The following MYOM3 variants were observed in gnomAD, a reference collection of about 807,000 sequenced individuals.
MYOM3 encodes myomesin 3.
MYOM3 carries 155 observed loss-of-function variants against 191.7 expected under a neutral mutation model. The ratio of observed to expected loss-of-function variants is 0.81; its 90% CI spans 0.71 to 0.92. MYOM3 has a LOEUF of 0.92. MYOM3 is among the 40% of genes least tolerant of loss of function. MYOM3 has a pLI of 0.00. For missense variants in MYOM3, 1,889 were observed against 1,890.6 expected, an observed-to-expected ratio of 1.00 and a Z score of 0.02; for synonymous variants, 757 against 762.9, an observed-to-expected ratio of 0.99 and a Z score of 0.13.
At chr1:24,057,651 A>G (rs894561482) in intron 36 of MYOM3, 24 bp from the exon 37 acceptor site, 4 of 1,609,030 alleles carry the variant, frequency 2.5e-6, no homozygotes, top group Non-Finnish European at 3.4e-6. Flanking sequence ...CAGGAAGGGA[A>G]CAGTCTCACC....
intron 29 of MYOM3, among the ~76,000 whole-genome samples, chr1:24,065,089 C>G (rs999826612): frequency 1.3e-5 from 2 of 152,194 alleles, no homozygotes; most frequent in Non-Finnish European, 2.9e-5. Context: ...AAAGTTTGCA[C>G]CAATGGGACT....
In MYOM3 at chr1:24,063,459, G is replaced by T; in HGVS notation, c.3661+33C>A. The T allele has an allele frequency of 1.2e-6, 2 of 1,613,916 alleles. No individual in the cohort carries two copies. The highest frequency in any genetic ancestry group is 1.7e-4 in the Middle Eastern group (1 of 6,028). On this transcript the variant is annotated intron_variant, in intron 31 of 36. Transcript: ENST00000374434. This position sits in a 1 kb window ranked among gnomAD's most constrained non-coding sequence, Gnocchi z 4.5. ...TTGGAGGCTGTTGGGCATCAGGGCAGGGCAGGGCTGGGCAAAGAGGCAGGC... is the reference window on the plus strand; with the variant it reads ...TTGGAGGCTGTTGGGCATCAGGGCATGGCAGGGCTGGGCAAAGAGGCAGGC...
Position 24,084,613 on chromosome 1 carries a change from G to A in MYOM3, c.1825C>T (p.Gln609Ter). ...PATLPPPAQV[Q>*]AFRDTQTSVS... ...GAGGTCTGTGTGTCTCTGAAAGCTT[G>A]AACTTGAGCTGGAGGAGGGAGGGTA... is the stretch of plus-strand genomic sequence containing the variant. Residue 609 changes from glutamine to a stop codon, truncating the protein, a stop_gained, in exon 16 of 37, where the codon CAA becomes TAA. Coordinates refer to ENST00000374434, the MANE Select transcript of MYOM3 (RefSeq NM_152372.4). LOFTEE classifies it high-confidence loss of function. 6.2e-7 allele frequency: 1 copy of A among 1,613,186 alleles called. No homozygotes were observed. Among genetic ancestry groups the A allele is most frequent in the Non-Finnish European group, 8.5e-7 (1 of 1,179,564 alleles).
At chr1:24,075,801 A>G (rs1643591715) in intron 21 of MYOM3, among the ~76,000 whole-genome samples, 2 of 152,050 alleles carry the variant, frequency 1.3e-5, no homozygotes, top group South Asian at 4.1e-4. Flanking sequence ...CCACCCCTAC[A>G]TTAGAGCAGG....
chr1:24,067,309 T>TTCCTTCCTTCC lies in MYOM3; in HGVS notation c.3356-222_3356-221insGGAAGGAAGGA, dbSNP rs1212290821. ...CTTTCTTTCTTTCTTTCTTTCCTTC[T>TTCCTTCCTTCC]TTCTTTCTTTCTTTCCTTCTTTCTT... On this transcript the variant is annotated intron_variant, in intron 27 of 36. Coordinates refer to ENST00000374434, the MANE Select transcript of MYOM3 (RefSeq NM_152372.4). Among the ~76,000 whole-genome samples, 27 of 91,072 alleles carry TTCCTTCCTTCC rather than the reference T, an allele frequency of 3.0e-4. 3 individuals carry two copies. Among genetic ancestry groups the TTCCTTCCTTCC allele is most frequent in the Non-Finnish European group, 5.0e-4 (22 of 44,044 alleles). 59.7% of individuals were successfully genotyped at this position (91,072 alleles called of 152,430 possible). A position where few individuals can be genotyped will look rare whatever the true frequency, so the allele number is the denominator to read the frequency against.
At chr1:24,069,014 G>A (rs1643490705) in intron 25 of MYOM3, among the ~76,000 whole-genome samples, 2 of 152,060 alleles carry the variant, frequency 1.3e-5, no homozygotes, top group African/African-American at 4.8e-5. Flanking sequence ...GTGAGCCATT[G>A]TGCCCAGCAG....
intron 29 of MYOM3, chr1:24,064,386 T>C: frequency 1.9e-6 from 1 of 516,724 alleles, no homozygotes. Context: ...TGTCTGGGCC[T>C]GGGGAAGGGG....
chr1:24,086,905 G>C (rs1643757048), intron 14 of MYOM3, 78 bp from the exon 15 acceptor site: 3 of 1,447,482 alleles, frequency 2.1e-6, no homozygotes, highest in South Asian at 1.3e-5. Context: ...CATGATCTCT[G>C]TCCCCAGCCC....
chr1:24,097,908 G>T lies in MYOM3; in HGVS notation c.745+15C>A. The T allele has an allele frequency of 1.3e-6, 2 of 1,587,080 alleles. No homozygotes were observed. The highest frequency in any genetic ancestry group is 1.7e-6 in the Non-Finnish European group (2 of 1,155,292). ...GCTGTGGCCCGGAGTGCCTGTTGGG[G>T]TTGGGAGGACTTACTGCGGACGAGG... On this transcript the variant is annotated intron_variant, in intron 7 of 36. Coordinates refer to ENST00000374434, the MANE Select transcript of MYOM3 (RefSeq NM_152372.4).
intron 11 of MYOM3, among the ~76,000 whole-genome samples, chr1:24,091,424 C>T (rs1378975550): frequency 2.0e-5 from 3 of 152,204 alleles, no homozygotes; most frequent in African/African-American, 7.2e-5. Flanking sequence ...TCCAGGTTGA[C>T]CCTCCAAGCC....
rs1557615365 is a variant in MYOM3, at chr1:24,097,943, A to C, written c.725T>G (p.Phe242Cys). 6.2e-7 allele frequency: 1 copy of C among 1,613,558 alleles called. No individual in the cohort carries two copies. ...CTTACTGCGGACGAGGACTTTGGCG[A>C]AGGAGGAGGCCTGGCCGTGGGCGTT... ...VKNAHGQASS[F>C]AKVLVRTYLG... The change falls in exon 7 of 37, where the codon TTC (phenylalanine) becomes TGC (cysteine). Residue 242 changes from phenylalanine to cysteine, a missense_variant. Physicochemically the swap from Phe to Cys is radical, Grantham distance 205. Coordinates refer to ENST00000374434, the MANE Select transcript of MYOM3 (RefSeq NM_152372.4).
rs370499977 is a variant in MYOM3 at position 24,089,311 on chromosome 1, C to T, written c.1614+227G>A. ...GTGTCTTGTATTTTGTGTATTTCCA[C>T]GAACAGCCTCAGGAACGACCAGCAG... On this transcript the variant is annotated intron_variant, in intron 14 of 36. Coordinates refer to ENST00000374434, the MANE Select transcript of MYOM3 (RefSeq NM_152372.4). Among the ~76,000 whole-genome samples the T allele has an allele frequency of 1.1e-4, 17 of 152,352 alleles. No individual in the cohort carries two copies. The South Asian group carries it at 3.1e-3, about 28-fold the overall frequency.
chr1:24,085,172 G>A (rs1351618701), intron 15 of MYOM3, among the ~76,000 whole-genome samples: 1 of 151,710 alleles, frequency 6.6e-6, no homozygotes, highest in Non-Finnish European at 1.5e-5. Flanking sequence ...GTGGATACAT[G>A]GATGAATAAA....
In MYOM3 at chr1:24,080,022, G is replaced by A. The variant is rs778130674; in HGVS notation, c.2580C>T (p.His860=). 1.3e-5 allele frequency: 21 copies of A among 1,610,156 alleles called. No individual in the cohort carries two copies. Among genetic ancestry groups the A allele is most frequent in the Non-Finnish European group, 1.8e-5 (21 of 1,178,298 alleles). ...PVTPGPISGT[H]LRVSDLQPGK... ...TGAAGGCATAAGAACTTACCCTCAG[G>A]TGGGTGCCAGAGATGGGGCCTGGGG... The change falls in exon 20 of 37, where the codon CAC becomes CAT. Residue 860 remains histidine, a synonymous_variant. Transcript: ENST00000374434.
At chr1:24,096,088 G>A (rs1012302114) in intron 7 of MYOM3, among the ~76,000 whole-genome samples, 6 of 152,182 alleles carry the variant, frequency 3.9e-5, no homozygotes, top group Non-Finnish European at 8.8e-5. Context: ...TCAAACAGAA[G>A]AGAAAACTGA....
chr1:24,081,887 G>A lies in MYOM3; in HGVS notation c.2280+114C>T, dbSNP rs1643673963. ...CTGGAAAATGATCTCGATGGCTGAGGCAGGGGAACTTGAGACTTCTGTCAG... is the reference window on the plus strand; with the variant it reads ...CTGGAAAATGATCTCGATGGCTGAGACAGGGGAACTTGAGACTTCTGTCAG... On this transcript the variant is annotated intron_variant, in intron 18 of 36. Transcript: ENST00000374434. The A allele has an allele frequency of 6.8e-6, 7 of 1,028,782 alleles. No individual in the cohort carries two copies. In the South Asian group the frequency reaches 8.3e-5, roughly 12 times the overall value. 63.7% of individuals were successfully genotyped at this position (1,028,782 alleles called of 1,614,324 possible). A position where few individuals can be genotyped will look rare whatever the true frequency, so the allele number is the denominator to read the frequency against.
In MYOM3 at chr1:24,067,165, TG is replaced by T. The variant is rs1016135355; in HGVS notation, c.3356-78del. The T allele has an allele frequency of 2.2e-4, 319 of 1,439,658 alleles. No homozygotes were observed. In the African/African-American group the frequency reaches 3.5e-3, roughly 16 times the overall value. The allele number at this position is 1,439,658 out of a possible 1,614,324, so 89.2% of individuals were successfully genotyped here. On this transcript the variant is annotated intron_variant, in intron 27 of 36. Coordinates refer to ENST00000374434, the MANE Select transcript of MYOM3 (RefSeq NM_152372.4). ...GGTGCCACCTGTGTCCAGGCAGTGCTGGGGGGAGGGACAGCTAATGGCTATG... is the reference window on the plus strand; with the variant it reads ...GGTGCCACCTGTGTCCAGGCAGTGCTGGGGGAGGGACAGCTAATGGCTATG...
intron 20 of MYOM3, among the ~76,000 whole-genome samples, chr1:24,076,507 C>CTTTTTTTTT (rs558326490): frequency 4.5e-4 from 22 of 49,108 alleles, no homozygotes; most frequent in African/African-American, 5.0e-4. Flanking sequence ...CCTAATGTTT[C>CTTTTTTTTT]TTTTTTTTTT....
intron 36 of MYOM3, 64 bp downstream of exon 36, chr1:24,058,860 T>C: frequency 8.4e-7 from 1 of 1,188,070 alleles, no homozygotes; most frequent in South Asian, 1.3e-5. Context: ...TTTCGTGATC[T>C]GTGGTGGATG....
Sources: gnomAD v4.1 joint callset for allele counts (sites outside exome capture counted in the v4.1 genomes callset) on GRCh38, gnomAD v4.1.1 for gene constraint, Gnocchi (gnomAD v3.1) non-coding constraint, MANE v1.5 for transcripts, NCBI Gene and HGNC (gene_info 2026-07-23, HGNC 2026-07-21) for gene names.